Variants in RLBP1 observed in about 807,000 individuals in gnomAD.
RLBP1 encodes the protein retinaldehyde binding protein 1, also known as retinaldehyde-binding protein 1.
A neutral mutation model predicts 36.2 loss-of-function variants in RLBP1; 26 were observed. The ratio of observed to expected loss-of-function variants is 0.72; its 90% CI spans 0.53 to 1.00. The LOEUF (loss-of-function observed/expected upper bound fraction) is 1.00. RLBP1 is among the 50% of genes least tolerant of loss of function. RLBP1 has a pLI of 0.00. For missense variants in RLBP1, 410 were observed against 402.4 expected (o/e 1.02, Z -0.16); for synonymous variants, 155 against 156.2 (o/e 0.99, Z 0.06).
Position 89,215,129 on chromosome 15 carries a change from G to C in RLBP1, c.456C>G (p.Asp152Glu), listed in dbSNP as rs1176680942. The change falls in exon 6 of 9, where the codon GAC (aspartate) becomes GAG (glutamate). Residue 152 changes from aspartate (D) to glutamate (E), a missense_variant. Physicochemically the swap from Asp to Glu is conservative, Grantham distance 45 (BLOSUM62 2). Coordinates refer to ENST00000268125, the MANE Select transcript of RLBP1 (RefSeq NM_000326.5). ...AGYPGVLSSR[D>E]KYGRVVMLFN... ...AGAGCATGACCACTCGGCCATACTT[G>C]TCCCGACTAGAGAGGACACCAGGGT... is the stretch of plus-strand genomic sequence containing the variant. 1.9e-6 allele frequency: 3 copies of C among 1,614,114 alleles called. No homozygotes were observed. Among genetic ancestry groups the C allele is most frequent in the Non-Finnish European group, 2.5e-6 (3 of 1,180,044 alleles).
intron 6 of RLBP1, among the ~76,000 whole-genome samples, chr15:89,212,512 G>A (rs2051546394): frequency 6.7e-6 from 1 of 150,282 alleles, no homozygotes; most frequent in South Asian, 2.1e-4. Flanking sequence ...TTGAACTTGA[G>A]AGGCAGAGGT....
At position 89,210,279 on chromosome 15, in the gene RLBP1, A is replaced by G. The variant is rs757239346; in HGVS notation, c.*6T>C. Reference sequence around the variant, plus strand: ...CTAACTACAGTTCAGCTGGCAGGAGATGTTTTCAGAAGGCTGTGTTCTCAG... The same window carrying G: ...CTAACTACAGTTCAGCTGGCAGGAGGTGTTTTCAGAAGGCTGTGTTCTCAG... On this transcript the variant is annotated 3_prime_UTR_variant, in exon 9 of 9. Transcript: ENST00000268125. The surrounding 1 kb of genome is among the most constrained non-coding windows in gnomAD (Gnocchi z 4.7). 1.9e-6 allele frequency: 3 copies of G among 1,613,936 alleles called. No individual in the cohort carries two copies. In the East Asian group the frequency reaches 6.7e-5, roughly 36 times the overall value.
intron 2 of RLBP1, 22 bp from the exon 3 acceptor site, chr15:89,219,097 TTC>T (rs2051606990): frequency 2.7e-6 from 3 of 1,116,738 alleles, no homozygotes; most frequent in Non-Finnish European, 4.1e-6. Flanking sequence ...AGAAAAACCA[TTC>T]TGTTATTGTC....
rs760401373 is a variant in RLBP1, at chr15:89,215,111, G to C, written c.474C>G (p.Val158=). ...LSSRDKYGRV[V]MLFNIENWQS... ...GCCAGTTCTCAATGTTGAAGAGCATGACCACTCGGCCATACTTGTCCCGAC... is the reference window on the plus strand; with the variant it reads ...GCCAGTTCTCAATGTTGAAGAGCATCACCACTCGGCCATACTTGTCCCGAC... Residue 158 remains valine (V), a synonymous_variant, in exon 6 of 9, where the codon GTC becomes GTG. Coordinates refer to ENST00000268125, the MANE Select transcript of RLBP1 (RefSeq NM_000326.5). 8.7e-6 allele frequency: 14 copies of C among 1,614,124 alleles called. No homozygotes were observed. Among genetic ancestry groups the C allele is most frequent in the Non-Finnish European group, 1.2e-5 (14 of 1,180,058 alleles).
rs2051599882 is a variant in RLBP1 at position 89,218,444 on chromosome 15, T to C, written c.141+121A>G. ...AAGGACCTTAGAACCGGCCAGTCTA[T>C]CAGGTCCAGGATGATCTGGAGTGCC... is the stretch of plus-strand genomic sequence containing the variant. On this transcript the variant is annotated intron_variant, in intron 4 of 8. Coordinates refer to ENST00000268125, the MANE Select transcript of RLBP1 (RefSeq NM_000326.5). The surrounding 1 kb of genome is among the most constrained non-coding windows in gnomAD (Gnocchi z 4.6). The C allele has an allele frequency of 9.7e-6, 14 of 1,446,280 alleles. No individual in the cohort carries two copies. Among genetic ancestry groups the C allele is most frequent in the Non-Finnish European group, 9.6e-7 (1 of 1,040,354 alleles). 89.6% of individuals were successfully genotyped at this position (1,446,280 alleles called of 1,614,324 possible).
rs2051532055 is a variant in RLBP1, at chr15:89,210,827, T to C, written c.685-18A>G. The C allele has an allele frequency of 6.5e-7, 1 of 1,529,140 alleles. No homozygotes were observed. The highest frequency in any genetic ancestry group is 1.7e-4 in the Middle Eastern group (1 of 5,916). The allele number at this position is 1,529,140 out of a possible 1,614,324, so 94.7% of individuals were successfully genotyped here. ...AAGGAATCCTGCGGTGACAGAGAGA[T>C]ACCCCGTTCCCCATGGCCCCAGTGA... On this transcript the variant is annotated intron_variant, in intron 7 of 8. Coordinates refer to ENST00000268125, the MANE Select transcript of RLBP1 (RefSeq NM_000326.5). This position sits in a 1 kb window ranked among gnomAD's most constrained non-coding sequence, Gnocchi z 4.7.
In RLBP1 at chr15:89,211,750, A is replaced by G; in HGVS notation, c.677T>C (p.Met226Thr). Residue 226 changes from methionine (M) to threonine (T), a missense_variant, in exon 7 of 9, where the codon ATG becomes ACG. Transcript: ENST00000268125. This position sits in a 1 kb window ranked among gnomAD's most constrained non-coding sequence, Gnocchi z 5.8. ...RTSDLRKMVD[M>T]LQDSFPARFK... ...CAGAACTCTAAGCCTCACCTGGAGC[A>G]TGTCCACCATCTTCCTGAGATCTGA... The G allele has an allele frequency of 6.2e-7, 1 of 1,613,884 alleles. No homozygotes were observed. Among genetic ancestry groups the G allele is most frequent in the Non-Finnish European group, 8.5e-7 (1 of 1,180,000 alleles).
intron 4 of RLBP1, among the ~76,000 whole-genome samples, chr15:89,217,589 G>T (rs1266934046): frequency 6.6e-6 from 1 of 152,218 alleles, no homozygotes; most frequent in Non-Finnish European, 1.5e-5. Flanking sequence ...CTGAGCCTTT[G>T]CCTAGCAACC....
Position 89,214,290 on chromosome 15 carries a change from G to A in RLBP1, c.525+770C>T, listed in dbSNP as rs555163543. 6.6e-5 allele frequency among the ~76,000 whole-genome samples: 10 copies of A among 152,058 alleles called. No individual in the cohort carries two copies. Among genetic ancestry groups the A allele is most frequent in the East Asian group, 3.9e-4 (2 of 5,154 alleles). ...AGCCTGGCCAACATGGTGAAACCCC[G>A]TCTCTACTAAAAATACAAACATTAG... On this transcript the variant is annotated intron_variant, in intron 6 of 8. Transcript: ENST00000268125. The surrounding 1 kb of genome is among the most constrained non-coding windows in gnomAD (Gnocchi z 4.6).
rs541990405 is a variant in RLBP1 at position 89,218,275 on chromosome 15, G to T, written c.141+290C>A. On this transcript the variant is annotated intron_variant, in intron 4 of 8. Transcript: ENST00000268125. This position sits in a 1 kb window ranked among gnomAD's most constrained non-coding sequence, Gnocchi z 4.6. ...GGCAGCAGTTGGATCCTTGTTCCCC[G>T]GGGCCATTTCCAAACCAATGCTTCT... Among the ~76,000 whole-genome samples, 1 of 152,174 alleles carries T rather than the reference G, an allele frequency of 6.6e-6. No homozygotes were observed. Among genetic ancestry groups the T allele is most frequent in the African/African-American group, 2.4e-5 (1 of 41,440 alleles).
In RLBP1 at chr15:89,210,517, G is replaced by C. The variant is rs769513473; in HGVS notation, c.796-74C>G. The stretch of plus-strand genomic sequence containing the variant: ...GGATGAGGGTTGAGGGAGGAAAGGG[G>C]CAGGAGGACAAAGCCCCATCATGTG... On this transcript the variant is annotated intron_variant, in intron 8 of 8. Transcript: ENST00000268125. This position sits in a 1 kb window ranked among gnomAD's most constrained non-coding sequence, Gnocchi z 4.7. 6.5e-7 allele frequency: 1 copy of C among 1,540,536 alleles called. No homozygotes were observed. Among genetic ancestry groups the C allele is most frequent in the Non-Finnish European group, 9.0e-7 (1 of 1,115,534 alleles).
chr15:89,210,340 G>A lies in RLBP1; in HGVS notation c.899C>T (p.Ala300Val). The A allele has an allele frequency of 6.2e-7, 1 of 1,614,242 alleles. No homozygotes were observed. Among genetic ancestry groups the A allele is most frequent in the Non-Finnish European group, 8.5e-7 (1 of 1,180,050 alleles). ...GGTLPKYDGK[A>V]VAEQLFGPQA... is the part of the protein sequence containing the mutation. ...GGGGCCAAAGAGCTGCTCAGCAACG[G>A]CCTTGCCATCATACTTGGGCAGCGT... The change falls in exon 9 of 9, where the codon GCC becomes GTC. Residue 300 changes from alanine to valine, a missense_variant. Physicochemically the swap from Ala to Val is moderately conservative, Grantham distance 64. Coordinates refer to ENST00000268125, the MANE Select transcript of RLBP1 (RefSeq NM_000326.5). The surrounding 1 kb of genome is among the most constrained non-coding windows in gnomAD (Gnocchi z 4.7).
In RLBP1 at chr15:89,217,237, C is replaced by T. The variant is rs755885208; in HGVS notation, c.229G>A (p.Gly77Arg). The T allele has an allele frequency of 2.7e-5, 43 of 1,612,296 alleles. No homozygotes were observed. The highest frequency in any genetic ancestry group is 3.6e-5 in the Non-Finnish European group (42 of 1,180,026). Residue 77 changes from glycine (G) to arginine (R), a missense_variant, in exon 5 of 9, where the codon GGG (glycine) becomes AGG (arginine). Gly to Arg is a moderately radical substitution (Grantham distance 125). Transcript: ENST00000268125. ...QEMVQAQAAS[G>R]EELAVAVAER... ...GCCACGGCCACCGCCAGCTCCTCCCCCGAGGCCGCCTGCGCCTGCACCATC... is the reference window on the plus strand; with the variant it reads ...GCCACGGCCACCGCCAGCTCCTCCCTCGAGGCCGCCTGCGCCTGCACCATC...
chr15:89,210,474 C>T lies in RLBP1; in HGVS notation c.796-31G>A, dbSNP rs1411414410. ...GGGAAGCAAGGGAGACAGAACTGAG[C>T]AGGAGGAGGTGCCCTAAGGATGAGG... On this transcript the variant is annotated intron_variant, in intron 8 of 8. Transcript: ENST00000268125. The surrounding 1 kb of genome is among the most constrained non-coding windows in gnomAD (Gnocchi z 4.7). The T allele has an allele frequency of 1.2e-6, 2 of 1,613,126 alleles. No homozygotes were observed. Among genetic ancestry groups the T allele is most frequent in the African/African-American group, 1.3e-5 (1 of 74,874 alleles).
At chr15:89,219,617 T>C (rs1048875600) in intron 2 of RLBP1, 120 bp downstream of exon 2, 1 of 156,014 alleles carries the variant, frequency 6.4e-6, no homozygotes, top group African/African-American at 2.4e-5. Flanking sequence ...TCAAATCCAC[T>C]CTCTCAGACC....
intron 6 of RLBP1, among the ~76,000 whole-genome samples, chr15:89,213,831 A>C (rs1211418267): frequency 6.6e-6 from 1 of 152,214 alleles, no homozygotes; most frequent in Non-Finnish European, 1.5e-5. Flanking sequence ...TCCCCAAAAC[A>C]TACTCCTAAT....
rs755885208 is a variant in RLBP1 at position 89,217,237 on chromosome 15, C to G, written c.229G>C (p.Gly77Arg). Residue 77 changes from glycine (G) to arginine (R), a missense_variant, in exon 5 of 9, where the codon GGG (glycine) becomes CGG (arginine). By Grantham distance (125) the Gly-to-Arg change is moderately radical. Transcript: ENST00000268125. Reference sequence around the variant, plus strand: ...GCCACGGCCACCGCCAGCTCCTCCCCCGAGGCCGCCTGCGCCTGCACCATC... The same window carrying G: ...GCCACGGCCACCGCCAGCTCCTCCCGCGAGGCCGCCTGCGCCTGCACCATC... ...QEMVQAQAAS[G>R]EELAVAVAER... 1.9e-5 allele frequency: 31 copies of G among 1,612,296 alleles called. No homozygotes were observed. The African/African-American group carries it at 2.9e-4, about 15-fold the overall frequency.
intron 5 of RLBP1, among the ~76,000 whole-genome samples, chr15:89,215,633 G>C (rs528282794): frequency 1.7e-3 from 262 of 152,282 alleles, no homozygotes; most frequent in African/African-American, 6.0e-3. Flanking sequence ...TGTGCACAGG[G>C]CTGAGGAGAA....
At chr15:89,217,460 GC>G in intron 4 of RLBP1, 136 bp from the exon 5 acceptor site, 2 of 814,522 alleles carry the variant, frequency 2.5e-6, no homozygotes, top group Non-Finnish European at 4.1e-6. Flanking sequence ...TTGCTTTTCT[GC>G]CCCAGGGGCA....
Sources: allele counts gnomAD v4.1 joint callset (sites outside exome capture counted in the v4.1 genomes callset), GRCh38; gene constraint gnomAD v4.1.1; non-coding constraint Gnocchi (gnomAD v3.1); transcripts MANE v1.5; gene names NCBI Gene and HGNC (gene_info 2026-07-23, HGNC 2026-07-21).